Variants in NVL observed in about 807,000 individuals in gnomAD.
NVL encodes nuclear valosin-containing protein-like.
A neutral mutation model predicts 110.2 loss-of-function variants in NVL; 84 were observed. The ratio of observed to expected loss-of-function variants is 0.76; its 90% CI spans 0.64 to 0.91. The LOEUF is 0.91. Ranked by LOEUF, NVL falls within the 40% of genes least tolerant of loss-of-function variation. The pLI is 0.00. For synonymous variants in NVL, 354 were observed against 361.1 expected (o/e 0.98, Z 0.22); for missense variants, 882 against 1,035.9 (o/e 0.85, Z 2.04).
At chr1:224,267,328 G>A (rs1378237748) in intron 18 of NVL, among the ~76,000 whole-genome samples, 2 of 152,108 alleles carry the variant, frequency 1.3e-5, no homozygotes, top group African/African-American at 2.4e-5. Context: ...GAAGAGTCTC[G>A]TTTTTGTTTC....
intron 9 of NVL, among the ~76,000 whole-genome samples, chr1:224,303,358 C>T (rs1668601009): frequency 6.6e-6 from 1 of 151,782 alleles, no homozygotes; most frequent in Admixed American, 6.6e-5. Flanking sequence ...TTGCTTGAAC[C>T]CGGGAGGCGG....
rs146647214 is a variant in NVL, at chr1:224,308,243, A to G, written c.363T>C (p.Ser121=). 7.0e-4 allele frequency: 1,128 copies of G among 1,607,632 alleles called. 25 individuals carry two copies. The East Asian group carries it at 0.025, about 35-fold the overall frequency. The change falls in exon 6 of 23, where the codon AGT becomes AGC. Residue 121 remains serine, a synonymous_variant. Coordinates refer to ENST00000281701, the MANE Select transcript of NVL (RefSeq NM_002533.4). ...PDPQSANHMN[S]SLLSLYRKGN... ...CTTTCCGATATAAAGACAGCAGGGAACTGTTCATGTGATTTGCTGACTGGC... is the reference window on the plus strand; with the variant it reads ...CTTTCCGATATAAAGACAGCAGGGAGCTGTTCATGTGATTTGCTGACTGGC...
At chr1:224,288,021 A>G in intron 13 of NVL, 28 bp from the exon 14 acceptor site, 1 of 1,547,892 alleles carries the variant, frequency 6.5e-7, no homozygotes, top group Non-Finnish European at 8.9e-7. Context: ...AGGGGAAAAA[A>G]ATAAAGAAAC....
At chr1:224,231,371 A>C in intron 21 of NVL, 75 bp from the exon 22 acceptor site, 1 of 1,222,416 alleles carries the variant, frequency 8.2e-7, no homozygotes, top group East Asian at 2.3e-5. Flanking sequence ...TTCCTTTGAA[A>C]GACTTCAAAA....
intron 1 of NVL, 119 bp downstream of exon 1, chr1:224,329,952 C>A: frequency 1.0e-6 from 1 of 1,000,542 alleles, no homozygotes. Flanking sequence ...ACGCCCAGAC[C>A]CAGACTGGGG....
intron 5 of NVL, among the ~76,000 whole-genome samples, chr1:224,310,634 T>G (rs1019233534): frequency 1.3e-5 from 2 of 152,256 alleles, no homozygotes; most frequent in African/African-American, 4.8e-5. Flanking sequence ...CAATTATTTA[T>G]TGATGAAGAC....
In NVL at chr1:224,287,757, G is replaced by A. The variant is rs1221927363; in HGVS notation, c.1794+18C>T. The A allele has an allele frequency of 6.3e-7, 1 of 1,598,326 alleles. No individual in the cohort carries two copies. On this transcript the variant is annotated intron_variant, in intron 14 of 22. Transcript: ENST00000281701. ...AATCCATGACATGCCAATAATATTT[G>A]GCAGCTGATATACCTACCAATATTG...
chr1:224,263,732 A>T (rs1351694741), intron 18 of NVL, among the ~76,000 whole-genome samples: 2 of 152,238 alleles, frequency 1.3e-5, no homozygotes, highest in Non-Finnish European at 2.9e-5. Context: ...TCTGGCTCAG[A>T]GTATCTTTTG....
intron 12 of NVL, among the ~76,000 whole-genome samples, chr1:224,291,155 T>C (rs1012299989): frequency 6.6e-6 from 1 of 152,234 alleles, no homozygotes; most frequent in Non-Finnish European, 1.5e-5. Context: ...AATGAATACA[T>C]GCAAAGCACA....
chr1:224,296,652 A>C (rs1558322058), intron 10 of NVL, 34 bp from the exon 11 acceptor site: 1 of 1,297,212 alleles, frequency 7.7e-7, no homozygotes, highest in East Asian at 2.3e-5. Flanking sequence ...AGACAATCAT[A>C]AATGCATCCC....
rs114967770 is a variant in NVL at position 224,258,796 on chromosome 1, T to C, written c.2183-8478A>G. Among the ~76,000 whole-genome samples, 1,307 of 152,112 alleles carry C rather than the reference T, an allele frequency of 8.6e-3. 22 individuals are homozygous for C. Among genetic ancestry groups the C allele is most frequent in the African/African-American group, 0.029 (1,207 of 41,488 alleles). ...AAGAAGCCAGATTTAAGAGCCCTCATATTGTATAATGCTATTTACATAAAA... is the reference window on the plus strand; with the variant it reads ...AAGAAGCCAGATTTAAGAGCCCTCACATTGTATAATGCTATTTACATAAAA... On this transcript the variant is annotated intron_variant, in intron 18 of 22. Transcript: ENST00000281701.
In NVL at chr1:224,227,665, T is replaced by C; in HGVS notation, c.2532A>G (p.Gln844=). 1.2e-6 allele frequency: 2 copies of C among 1,610,958 alleles called. No homozygotes were observed. The highest frequency in any genetic ancestry group is 1.7e-6 in the Non-Finnish European group (2 of 1,177,922). Residue 844 remains glutamine (Q), a synonymous_variant, in exon 23 of 23, where the codon CAA becomes CAG. Coordinates refer to ENST00000281701, the MANE Select transcript of NVL (RefSeq NM_002533.4). The part of the protein sequence containing the change: ...KVRSSISKKD[Q]IMYERLQESL... ...ACTCCTGCAAACGTTCATACATGAT[T>C]TGATCCTGAAAGGAGGGAGAACACA...
chr1:224,267,745 T>G (rs1229342022), intron 18 of NVL, among the ~76,000 whole-genome samples: 1 of 151,576 alleles, frequency 6.6e-6, no homozygotes, highest in East Asian at 1.9e-4. Context: ...AAGAGCTTTC[T>G]AAGCACCGAC....
chr1:224,322,633 A>T (rs1457322637), intron 2 of NVL, among the ~76,000 whole-genome samples: 5 of 152,160 alleles, frequency 3.3e-5, no homozygotes, highest in African/African-American at 1.2e-4. Context: ...GAAGAAACCT[A>T]GATGGCTCTG....
At chr1:224,228,782 C>A (rs1659497320) in intron 22 of NVL, among the ~76,000 whole-genome samples, 1 of 148,636 alleles carries the variant, frequency 6.7e-6, no homozygotes, top group African/African-American at 2.5e-5. Flanking sequence ...TACAAAAATA[C>A]AAAAAAATTA....
intron 22 of NVL, among the ~76,000 whole-genome samples, chr1:224,230,440 T>G (rs146244624): frequency 6.6e-6 from 1 of 151,932 alleles, no homozygotes; most frequent in African/African-American, 2.4e-5. Context: ...CTGTCTCTAC[T>G]AAAAATACAA....
intron 10 of NVL, among the ~76,000 whole-genome samples, chr1:224,299,248 C>G (rs1668166169): frequency 6.6e-6 from 1 of 152,130 alleles, no homozygotes; most frequent in Non-Finnish European, 1.5e-5. Flanking sequence ...AGTAAAATTA[C>G]AGAGGCCAAA....
intron 4 of NVL, among the ~76,000 whole-genome samples, chr1:224,314,536 A>G (rs1361141463): frequency 6.6e-6 from 1 of 152,220 alleles, no homozygotes; most frequent in African/African-American, 2.4e-5. Flanking sequence ...TGTAAGGAAG[A>G]GCTGTATATC....
At chr1:224,294,121 G>A (rs979159602) in intron 12 of NVL, 146 bp downstream of exon 12, 57 of 866,642 alleles carry the variant, frequency 6.6e-5, no homozygotes, top group Middle Eastern at 3.7e-4. Flanking sequence ...TCTTAATGTG[G>A]GCTTCTCCTT....
Sources: gnomAD v4.1 joint callset for allele counts (sites outside exome capture counted in the v4.1 genomes callset) on GRCh38, gnomAD v4.1.1 for gene constraint, MANE v1.5 for transcripts, NCBI Gene and HGNC (gene_info 2026-07-23, HGNC 2026-07-21) for gene names.